The following MARK2 variants were observed in gnomAD, a reference collection of about 807,000 sequenced individuals.
The protein encoded by MARK2 is serine/threonine-protein kinase MARK2.
MARK2 carries 16 observed loss-of-function variants against 89.8 expected under a neutral mutation model. The ratio of observed to expected loss-of-function variants is 0.18; its 90% CI spans 0.12 to 0.27. The LOEUF is 0.27. Ranked by LOEUF, MARK2 falls within the 10% of genes least tolerant of loss-of-function variation. MARK2 has a pLI of 1.00. For synonymous variants in MARK2, 382 were observed against 399.5 expected (o/e 0.96, Z 0.52); for missense variants, 621 against 1,049.9 (o/e 0.59, Z 5.65).
At chr11:63,905,603 G>A (rs780914691) in intron 16 of MARK2, among the ~76,000 whole-genome samples, 2 of 152,216 alleles carry the variant, frequency 1.3e-5, no homozygotes, top group African/African-American at 2.4e-5. Flanking sequence ...ACCTAACTCC[G>A]ATGTGCCAAA....
At chr11:63,896,154 G>A (rs1212917822) in intron 3 of MARK2, among the ~76,000 whole-genome samples, 4 of 152,258 alleles carry the variant, frequency 2.6e-5, no homozygotes, top group Middle Eastern at 3.4e-3. Context: ...CTCCTGAGTG[G>A]GCTTCCTGGC....
chr11:63,852,953 G>GA (rs1208145808), intron 1 of MARK2, among the ~76,000 whole-genome samples: 2 of 152,166 alleles, frequency 1.3e-5, no homozygotes, highest in Admixed American at 1.3e-4. Flanking sequence ...TATCTAACAG[G>GA]ATAAGTTGCC....
At position 63,848,549 on chromosome 11, in the gene MARK2, A is replaced by AT. The variant is rs779169841; in HGVS notation, c.54+9008dup. ...AGGCATGTGCCAGCACACCCGGCTAATTTTTTTTTTTTTTTTTTTGAGACA... is the reference window on the plus strand; with the variant it reads ...AGGCATGTGCCAGCACACCCGGCTAATTTTTTTTTTTTTTTTTTTTGAGACA... On this transcript the variant is annotated intron_variant, in intron 1 of 18. Transcript: ENST00000402010. Among the ~76,000 whole-genome samples the AT allele has an allele frequency of 7.2e-3, 886 of 123,710 alleles. 10 individuals are homozygous for AT. Among genetic ancestry groups the AT allele is most frequent in the South Asian group, 0.014 (51 of 3,754 alleles). The allele number at this position is 123,710 out of a possible 152,430, so 81.2% of individuals were successfully genotyped here. A position where few individuals can be genotyped will look rare whatever the true frequency, so the allele number is the denominator to read the frequency against.
intron 1 of MARK2, chr11:63,888,975 C>T: frequency 7.4e-7 from 1 of 1,350,214 alleles, no homozygotes; most frequent in Non-Finnish European, 9.8e-7. Context: ...GTATGTTGTC[C>T]CCCTTTTTAC....
intron 1 of MARK2, among the ~76,000 whole-genome samples, chr11:63,841,701 C>T (rs1033471026): frequency 6.6e-6 from 1 of 152,128 alleles, no homozygotes; most frequent in South Asian, 2.1e-4. Context: ...TGGGGAGTGG[C>T]GATGGAGTGC....
At chr11:63,856,741 A>AT (rs2016871407) in intron 1 of MARK2, among the ~76,000 whole-genome samples, 2 of 56,426 alleles carry the variant, frequency 3.5e-5, no homozygotes, top group South Asian at 5.0e-4. Flanking sequence ...TATTTTTCTC[A>AT]TTTTTTTCCA....
chr11:63,855,257 G>A (rs976597443), intron 1 of MARK2, among the ~76,000 whole-genome samples: 1 of 152,150 alleles, frequency 6.6e-6, no homozygotes, highest in Non-Finnish European at 1.5e-5. Context: ...GGTGGCTCAC[G>A]CCTGTAATGT....
In MARK2 at chr11:63,900,485, A is replaced by G; in HGVS notation, c.769-74A>G. 3.2e-6 allele frequency: 5 copies of G among 1,542,812 alleles called. No individual in the cohort carries two copies. The highest frequency in any genetic ancestry group is 4.4e-6 in the Non-Finnish European group (5 of 1,130,816). On this transcript the variant is annotated intron_variant, in intron 8 of 18. Coordinates refer to ENST00000402010, the MANE Select transcript of MARK2 (RefSeq NM_001039469.3). The surrounding 1 kb of genome is among the most constrained non-coding windows in gnomAD (Gnocchi z 4.7). ...TCTGCTTTGCCAGGCTTAAGCTCTC[A>G]GGATCTTGGATATTAGGTTTCTTCC...
intron 1 of MARK2, among the ~76,000 whole-genome samples, chr11:63,856,243 G>A (rs929708517): frequency 6.7e-6 from 1 of 149,538 alleles, no homozygotes; most frequent in Admixed American, 6.7e-5. Context: ...TCTCTGTGAT[G>A]TGAGGGACTT....
intron 1 of MARK2, among the ~76,000 whole-genome samples, chr11:63,894,651 G>A (rs897890350): frequency 1.3e-5 from 2 of 152,172 alleles, no homozygotes; most frequent in Admixed American, 6.5e-5. Context: ...AGCTGAGATC[G>A]CACCATTGCA....
In MARK2 at chr11:63,899,855, T is replaced by C. The variant is rs757550507; in HGVS notation, c.532-19T>C. The C allele has an allele frequency of 6.4e-7, 1 of 1,573,094 alleles. No individual in the cohort carries two copies. The highest frequency in any genetic ancestry group is 1.1e-5 in the South Asian group (1 of 90,272). ...TCTGGTCCACTTGGTTCCCTGATGT[T>C]TTCCATCTTACCTCCCAGGCAGAAA... On this transcript the variant is annotated intron_variant, in intron 7 of 18. Transcript: ENST00000402010.
intron 1 of MARK2, chr11:63,888,987 C>T: frequency 7.5e-7 from 1 of 1,341,618 alleles, no homozygotes; most frequent in Non-Finnish European, 9.9e-7. Context: ...CCTTTTTACT[C>T]TAGGATTGCC....
At chr11:63,883,736 C>T (rs746022019) in intron 1 of MARK2, among the ~76,000 whole-genome samples, 11 of 152,270 alleles carry the variant, frequency 7.2e-5, no homozygotes, top group African/African-American at 1.9e-4. Context: ...AGGCACTTGT[C>T]ACCACACCCC....
At chr11:63,861,835 G>A (rs557035089) in intron 1 of MARK2, among the ~76,000 whole-genome samples, 3 of 148,602 alleles carry the variant, frequency 2.0e-5, no homozygotes, top group Admixed American at 6.9e-5. Flanking sequence ...TCCGCCTCCC[G>A]GGTTCAAGCA....
chr11:63,893,776 C>T (rs1381968592), intron 1 of MARK2, among the ~76,000 whole-genome samples: 1 of 152,136 alleles, frequency 6.6e-6, no homozygotes, highest in Non-Finnish European at 1.5e-5. Context: ...CCCCATATGA[C>T]AGGTTATAAG....
intron 1 of MARK2, among the ~76,000 whole-genome samples, chr11:63,856,326 T>TTTG (rs1554974134): frequency 3.3e-5 from 5 of 149,688 alleles, no homozygotes; most frequent in African/African-American, 9.7e-5. Flanking sequence ...TTTTTGTTTT[T>TTTG]TTTTTTTTTT....
intron 1 of MARK2, among the ~76,000 whole-genome samples, chr11:63,874,335 G>A (rs916377412): frequency 1.3e-5 from 2 of 152,200 alleles, no homozygotes; most frequent in African/African-American, 2.4e-5. Flanking sequence ...TCTGAGAATT[G>A]AATGCTTGCT....
chr11:63,883,174 G>A lies in MARK2; in HGVS notation c.55-11985G>A, dbSNP rs1939198775. ...CTGTTTCATGGACCTTTTCTGGGAG[G>A]AGGGAGTTAAGGAACTGATGAAGAA... On this transcript the variant is annotated intron_variant, in intron 1 of 18. Transcript: ENST00000402010. 2.0e-5 allele frequency among the ~76,000 whole-genome samples: 3 copies of A among 152,306 alleles called. No homozygotes were observed. The South Asian group carries it at 6.2e-4, about 32-fold the overall frequency.
At chr11:63,872,802 C>T (rs1213748776) in intron 1 of MARK2, among the ~76,000 whole-genome samples, 1 of 152,116 alleles carries the variant, frequency 6.6e-6, no homozygotes, top group Non-Finnish European at 1.5e-5. Context: ...CCCGCCGCTT[C>T]CCTCCCTGGT....
Sources: allele counts gnomAD v4.1 joint callset (sites outside exome capture counted in the v4.1 genomes callset), GRCh38; gene constraint gnomAD v4.1.1; non-coding constraint Gnocchi (gnomAD v3.1); transcripts MANE v1.5; gene names NCBI Gene and HGNC (gene_info 2026-07-23, HGNC 2026-07-21).